The following TTLL1 variants were observed in gnomAD, a reference collection of about 807,000 sequenced individuals.
TTLL1 encodes the protein TTL family tubulin polyglutamylase complex subunit L1, also known as polyglutamylase complex subunit TTLL1.
A neutral mutation model predicts 47.8 loss-of-function variants in TTLL1; 33 were observed. That is an observed-to-expected ratio of 0.69 (90% CI 0.52 to 0.92). The LOEUF (loss-of-function observed/expected upper bound fraction) is 0.92. Ranked by LOEUF, TTLL1 falls within the 40% of genes least tolerant of loss-of-function variation. The pLI is 0.00. For synonymous variants in TTLL1, 225 were observed against 214.1 expected, an observed-to-expected ratio of 1.05 and a Z score of -0.45; for missense variants, 488 against 547.5, an observed-to-expected ratio of 0.89 and a Z score of 1.08.
At chr22:43,085,642 C>T (rs134985) in intron 1 of TTLL1, among the ~76,000 whole-genome samples, 36,260 of 152,170 alleles carry the variant, frequency 0.24, 5,020 homozygotes, top group East Asian at 0.66. Context: ...GTCAATTAAA[C>T]CTCTTCCTTT....
At chr22:43,043,531 T>G (rs1925866567) in intron 10 of TTLL1, among the ~76,000 whole-genome samples, 1 of 151,920 alleles carries the variant, frequency 6.6e-6, no homozygotes, top group Non-Finnish European at 1.5e-5. Flanking sequence ...GATCTCACCC[T>G]TCACCTTCCA....
intron 4 of TTLL1, 110 bp from the exon 5 acceptor site, chr22:43,068,700 C>CGCAACCCA (rs1569436132): frequency 1.0e-6 from 1 of 972,900 alleles, no homozygotes; most frequent in African/African-American, 1.6e-5. Flanking sequence ...TGTCCCCCAC[C>CGCAACCCA]GCAACCCAGC....
At position 43,075,603 on chromosome 22, in the gene TTLL1, A is replaced by G; in HGVS notation, c.-4-13T>C. The stretch of plus-strand genomic sequence containing the variant: ...CCCTGCCATAATCCTGGAAGAGATC[A>G]AAATATTAGAGATATGAAACTTCAA... On this transcript the variant is annotated splice_polypyrimidine_tract_variant and intron_variant, in intron 2 of 10. Coordinates refer to ENST00000266254, the MANE Select transcript of TTLL1 (RefSeq NM_012263.5). 6.2e-7 allele frequency: 1 copy of G among 1,608,788 alleles called. No homozygotes were observed. The highest frequency in any genetic ancestry group is 8.5e-7 in the Non-Finnish European group (1 of 1,175,142).
intron 7 of TTLL1, among the ~76,000 whole-genome samples, chr22:43,061,892 G>T (rs1477950678): frequency 6.6e-6 from 1 of 152,168 alleles, no homozygotes; most frequent in Non-Finnish European, 1.5e-5. Flanking sequence ...GCTTTGCAGG[G>T]AAGCCTTCTC....
At chr22:43,059,188 C>T (rs753310991) in intron 8 of TTLL1, among the ~76,000 whole-genome samples, 196 bp downstream of exon 8, 19 of 151,128 alleles carry the variant, frequency 1.3e-4, no homozygotes, top group South Asian at 1.3e-3. Flanking sequence ...CAGGGTTTCA[C>T]CATGTATGTG....
chr22:43,086,484 G>A (rs1031288593), intron 1 of TTLL1, among the ~76,000 whole-genome samples: 2 of 152,092 alleles, frequency 1.3e-5, no homozygotes, highest in Non-Finnish European at 2.9e-5. Flanking sequence ...AGGGCCACTG[G>A]TGGTCTAACT....
intron 3 of TTLL1, 60 bp from the exon 4 acceptor site, chr22:43,069,904 G>A (rs1293512146): frequency 3.1e-6 from 5 of 1,591,512 alleles, no homozygotes; most frequent in Non-Finnish European, 4.3e-6. Flanking sequence ...GAAGTCCTTT[G>A]TTCCCGTCCC....
intron 8 of TTLL1, among the ~76,000 whole-genome samples, chr22:43,053,539 C>G (rs1378327378): frequency 6.6e-6 from 1 of 152,144 alleles, no homozygotes. Context: ...GCCTGCATTG[C>G]GTAGCTCTCA....
rs1373289980 is a variant in TTLL1 at position 43,069,794 on chromosome 22, C to T, written c.164G>A (p.Arg55Gln). The T allele has an allele frequency of 1.9e-6, 3 of 1,614,054 alleles. No homozygotes were observed. Among genetic ancestry groups the T allele is most frequent in the Non-Finnish European group, 2.5e-6 (3 of 1,180,044 alleles). ...RNVFSVEAGY[R>Q]LSDDQIVNHF... ...GTTGACTATTTGGTCATCTGAGAGC[C>T]GATATCCAGCTTCAACGCTGAACAC... Residue 55 changes from arginine (R) to glutamine (Q), a missense_variant, in exon 4 of 11, where the codon CGG becomes CAG. By Grantham distance (43) the Arg-to-Gln change is conservative. Coordinates refer to ENST00000266254, the MANE Select transcript of TTLL1 (RefSeq NM_012263.5).
At chr22:43,068,316 A>C in intron 5 of TTLL1, 94 bp downstream of exon 5, 4 of 1,210,840 alleles carry the variant, frequency 3.3e-6, no homozygotes, top group Non-Finnish European at 4.4e-6. Flanking sequence ...GACTCTGTCA[A>C]AAAAAAACCA....
intron 3 of TTLL1, among the ~76,000 whole-genome samples, chr22:43,070,582 G>A (rs1928053673): frequency 6.6e-6 from 1 of 152,100 alleles, no homozygotes; most frequent in Admixed American, 6.6e-5. Flanking sequence ...GCCCCCGAAG[G>A]GTTGCTGTGG....
intron 1 of TTLL1, among the ~76,000 whole-genome samples, chr22:43,085,720 C>G (rs907678050): frequency 1.3e-5 from 2 of 152,168 alleles, no homozygotes; most frequent in Non-Finnish European, 2.9e-5. Context: ...AGCAGGAATT[C>G]TCCGCATTTT....
At chr22:43,043,995 C>T (rs1925904228) in intron 10 of TTLL1, among the ~76,000 whole-genome samples, 1 of 152,044 alleles carries the variant, frequency 6.6e-6, no homozygotes, top group Non-Finnish European at 1.5e-5. Flanking sequence ...CCCCAAGCCT[C>T]GTCACCCCTT....
rs571246162 is a variant in TTLL1 at position 43,085,930 on chromosome 22, C to A, written c.-90+3347G>T. Among the ~76,000 whole-genome samples, 8 of 152,282 alleles carry A rather than the reference C, an allele frequency of 5.3e-5. No individual in the cohort carries two copies. The East Asian group carries it at 1.5e-3, about 29-fold the overall frequency. On this transcript the variant is annotated intron_variant, in intron 1 of 10. Coordinates refer to ENST00000266254, the MANE Select transcript of TTLL1 (RefSeq NM_012263.5). ...GGCTCAGGAGTGGGCTGACTCGTGT[C>A]TGTTCTCATGTCGGGCACGCAGCCA...
At chr22:43,059,312 C>T (rs951051959) in intron 8 of TTLL1, 72 bp downstream of exon 8, 2 of 1,540,998 alleles carry the variant, frequency 1.3e-6, no homozygotes, top group Non-Finnish European at 1.7e-6. Context: ...GGATTTTTAA[C>T]AGAAAGACAG....
intron 8 of TTLL1, 65 bp from the exon 9 acceptor site, chr22:43,051,952 A>G (rs1601663557): frequency 6.7e-7 from 1 of 1,497,724 alleles, no homozygotes; most frequent in South Asian, 1.1e-5. Context: ...GACCAACGCC[A>G]CAGAGACAAG....
chr22:43,046,156 G>A (rs1926110500), intron 10 of TTLL1, among the ~76,000 whole-genome samples: 1 of 152,160 alleles, frequency 6.6e-6, no homozygotes, highest in African/African-American at 2.4e-5. Flanking sequence ...AGGAGGCGGA[G>A]GTTGCAGTGA....
chr22:43,057,910 A>T (rs944199787), intron 8 of TTLL1, among the ~76,000 whole-genome samples: 9 of 151,574 alleles, frequency 5.9e-5, no homozygotes, highest in Non-Finnish European at 1.3e-4. Flanking sequence ...AAACACCCCA[A>T]GACACCCACT....
chr22:43,058,197 G>A (rs1407680874), intron 8 of TTLL1, among the ~76,000 whole-genome samples: 1 of 151,994 alleles, frequency 6.6e-6, no homozygotes. Context: ...GCGCACCTTG[G>A]CCTCCCAAAG....
Sources: gnomAD v4.1 joint callset for allele counts (sites outside exome capture counted in the v4.1 genomes callset) on GRCh38, gnomAD v4.1.1 for gene constraint, MANE v1.5 for transcripts, NCBI Gene and HGNC (gene_info 2026-07-23, HGNC 2026-07-21) for gene names.